The following GMEB1 variants were observed in gnomAD, a reference collection of about 807,000 sequenced individuals.
The protein encoded by GMEB1 is glucocorticoid modulatory element binding protein 1.
In GMEB1, 6 loss-of-function variants were observed where a neutral mutation model predicts 52.4. The observed-to-expected ratio is 0.11, with a 90% CI of 0.06 to 0.23. The LOEUF (loss-of-function observed/expected upper bound fraction) is 0.23. GMEB1 is among the 10% of genes least tolerant of loss of function. The pLI, the probability that GMEB1 is intolerant of heterozygous loss-of-function variation, is 1.00. For missense variants in GMEB1, 486 were observed against 685.6 expected (o/e 0.71, Z 3.25); for synonymous variants, 255 against 244.9 (o/e 1.04, Z -0.38).
intron 5 of GMEB1, among the ~76,000 whole-genome samples, chr1:28,694,959 GC>G (rs1670131244): frequency 1.5e-5 from 2 of 132,426 alleles, no homozygotes; most frequent in Non-Finnish European, 3.1e-5. Flanking sequence ...ACCGTGGCCA[GC>G]CTTTTTTTTT....
chr1:28,690,006 T>C (rs1669875961), intron 2 of GMEB1, 98 bp from the exon 3 acceptor site: 1 of 725,342 alleles, frequency 1.4e-6, no homozygotes, highest in Non-Finnish European at 2.3e-6. Flanking sequence ...TTTATTTCTT[T>C]TGAGATAGTT....
rs1324904023 is a variant in GMEB1, at chr1:28,704,183, T to C, written c.731-9T>C. The C allele has an allele frequency of 6.2e-7, 1 of 1,608,496 alleles. No homozygotes were observed. The highest frequency in any genetic ancestry group is 8.5e-7 in the Non-Finnish European group (1 of 1,177,174). On this transcript the variant is annotated splice_polypyrimidine_tract_variant and intron_variant, in intron 7 of 9. Coordinates refer to ENST00000373816, the MANE Select transcript of GMEB1 (RefSeq NM_001319674.2). ...TTTTTTACCCTCTGTCTTATCCTTC[T>C]TGTGCCAGAGGACACTTTGATGTTC...
Position 28,704,301 on chromosome 1 carries a change from G to C in GMEB1, c.840G>C (p.Arg280=). ...AGCTACTCAGGGGAGTTCAGCAGCG[G>C]CTCATCCAGGCTCCCTTCCAAGTCA... is the stretch of plus-strand genomic sequence containing the variant. ...IEELLRGVQQ[R]LIQAPFQVTD... The change falls in exon 8 of 10, where the codon CGG becomes CGC. Residue 280 remains arginine (R), a synonymous_variant. Coordinates refer to ENST00000373816, the MANE Select transcript of GMEB1 (RefSeq NM_001319674.2). 1 of 1,612,842 alleles carries C rather than the reference G, an allele frequency of 6.2e-7. No homozygotes were observed. The highest frequency in any genetic ancestry group is 8.5e-7 in the Non-Finnish European group (1 of 1,179,480).
intron 4 of GMEB1, 58 bp downstream of exon 4, chr1:28,691,767 G>T: frequency 1.2e-6 from 1 of 844,670 alleles, no homozygotes; most frequent in Non-Finnish European, 1.7e-6. Context: ...CAAAGGGTGT[G>T]AGTTCCATGC....
In GMEB1 at chr1:28,714,763, T is replaced by C; in HGVS notation, c.1682T>C (p.Leu561Ser). The change falls in exon 10 of 10, where the codon TTA (leucine) becomes TCA (serine). Residue 561 changes from leucine (L) to serine (S), a missense_variant. Physicochemically the swap from Leu to Ser is moderately radical, Grantham distance 145. Transcript: ENST00000373816. ...GTTCACAATGTGGAGATTGTGGTCTTAGAGGATTAACTGGGGATCTCAGGG... is the reference window on the plus strand; with the variant it reads ...GTTCACAATGTGGAGATTGTGGTCTCAGAGGATTAACTGGGGATCTCAGGG... ...HQVHNVEIVV[L>S]ED The C allele has an allele frequency of 6.2e-7, 1 of 1,606,822 alleles. No individual in the cohort carries two copies. The highest frequency in any genetic ancestry group is 8.5e-7 in the Non-Finnish European group (1 of 1,173,666).
At chr1:28,672,666 C>T (rs891769182) in intron 1 of GMEB1, among the ~76,000 whole-genome samples, 12 of 151,678 alleles carry the variant, frequency 7.9e-5, no homozygotes, top group African/African-American at 2.7e-4. Context: ...CACCCATTAA[C>T]TCGTCATTTA....
chr1:28,690,116 TG>T lies in GMEB1; in HGVS notation c.144del (p.Ser49ArgfsTer8), dbSNP rs1669880569. ...QPVQQGIYEA[G>X]SENNTAVVAV... Reference sequence around the variant, plus strand: ...ACTTTTACAACAGGATTTATGAAGCTGGGTCGGAGAACAACACGGCAGTTGT... The same window carrying T: ...ACTTTTACAACAGGATTTATGAAGCTGGTCGGAGAACAACACGGCAGTTGT... On this transcript the variant is annotated frameshift_variant, in exon 3 of 10. Coordinates refer to ENST00000373816, the MANE Select transcript of GMEB1 (RefSeq NM_001319674.2). LOFTEE classifies it high-confidence loss of function. 6.2e-7 allele frequency: 1 copy of T among 1,604,190 alleles called. No individual in the cohort carries two copies. The highest frequency in any genetic ancestry group is 8.5e-7 in the Non-Finnish European group (1 of 1,174,888).
chr1:28,708,734 G>C (rs1156228552), intron 8 of GMEB1, among the ~76,000 whole-genome samples: 1 of 152,092 alleles, frequency 6.6e-6, no homozygotes, highest in Non-Finnish European at 1.5e-5. Flanking sequence ...ACAGATGGGA[G>C]CCACCACGCC....
At chr1:28,697,155 G>C (rs1670244524) in intron 6 of GMEB1, 71 bp downstream of exon 6, 1 of 361,360 alleles carries the variant, frequency 2.8e-6, no homozygotes, top group Admixed American at 4.8e-5. Context: ...TTTCTCCCTT[G>C]TGTGTACATA....
At chr1:28,673,560 C>T (rs1669000779) in intron 1 of GMEB1, among the ~76,000 whole-genome samples, 1 of 152,156 alleles carries the variant, frequency 6.6e-6, no homozygotes, top group Non-Finnish European at 1.5e-5. Context: ...CAGCCTGACA[C>T]TTGTCCTTAT....
Position 28,702,546 on chromosome 1 carries a change from A to C in GMEB1, c.707A>C (p.Lys236Thr). The C allele has an allele frequency of 1.9e-6, 3 of 1,613,776 alleles. No individual in the cohort carries two copies. Among genetic ancestry groups the C allele is most frequent in the Non-Finnish European group, 2.5e-6 (3 of 1,179,830 alleles). The change falls in exon 7 of 10, where the codon AAG becomes ACG. Residue 236 changes from lysine (K) to threonine (T), a missense_variant. Transcript: ENST00000373816. ...AVTMATEEGV[K>T]KDSEEISEDT... ...ACCATGGCCACGGAGGAGGGTGTAA[A>C]GAAAGACTCAGAGGAAATTTCAGGT... is the stretch of plus-strand genomic sequence containing the variant.
In GMEB1 at chr1:28,679,076, C is replaced by T. The variant is rs1025981035; in HGVS notation, c.-30-4507C>T. The stretch of plus-strand genomic sequence containing the variant: ...CTAATTTTTGTATTTTTAGCAGAGA[C>T]GGTTTCACCATGTTGGTCAGGATGG... On this transcript the variant is annotated intron_variant, in intron 1 of 9. Coordinates refer to ENST00000373816, the MANE Select transcript of GMEB1 (RefSeq NM_001319674.2). Among the ~76,000 whole-genome samples, 2 of 151,786 alleles carry T rather than the reference C, an allele frequency of 1.3e-5. 1 individual carries two copies. The highest frequency in any genetic ancestry group is 4.2e-4 in the South Asian group (2 of 4,798).
At chr1:28,686,939 T>C (rs917888292) in intron 2 of GMEB1, among the ~76,000 whole-genome samples, 3 of 152,084 alleles carry the variant, frequency 2.0e-5, no homozygotes, top group African/African-American at 7.2e-5. Flanking sequence ...TGATAGGTGT[T>C]ATGACAAAAC....
At position 28,706,977 on chromosome 1, in the gene GMEB1, G is replaced by GGT. The variant is rs1400064023; in HGVS notation, c.868+2648_868+2649insGT. ...CCACCATGCCTGTCCTCCAGATTTGGTTTTTTTTTTTTTTTTTTTTTTTTT... is the reference window on the plus strand; with the variant it reads ...CCACCATGCCTGTCCTCCAGATTTGGGTTTTTTTTTTTTTTTTTTTTTTTTTT... On this transcript the variant is annotated intron_variant, in intron 8 of 9. Transcript: ENST00000373816. Among the ~76,000 whole-genome samples, 31 of 82,774 alleles carry GGT rather than the reference G, an allele frequency of 3.7e-4. 2 individuals are homozygous for GGT. The highest frequency in any genetic ancestry group is 3.2e-3 in the East Asian group (10 of 3,096). The allele number at this position is 82,774 out of a possible 152,430, so 54.3% of individuals were successfully genotyped here.
chr1:28,685,000 T>G (rs879307082), intron 2 of GMEB1, among the ~76,000 whole-genome samples: 1 of 152,096 alleles, frequency 6.6e-6, no homozygotes, highest in African/African-American at 2.4e-5. Context: ...GGGTCTTGCT[T>G]TGTTGCTCAG....
At chr1:28,678,313 T>G (rs1396889368) in intron 1 of GMEB1, among the ~76,000 whole-genome samples, 1 of 151,918 alleles carries the variant, frequency 6.6e-6, no homozygotes, top group East Asian at 1.9e-4. Context: ...GTTTGTTTGT[T>G]TGTTTGTTTG....
intron 9 of GMEB1, among the ~76,000 whole-genome samples, chr1:28,713,270 A>T (rs565577100): frequency 6.6e-6 from 1 of 152,192 alleles, no homozygotes; most frequent in Non-Finnish European, 1.5e-5. Flanking sequence ...ATATCACAAT[A>T]TCACACATAG....
intron 8 of GMEB1, among the ~76,000 whole-genome samples, chr1:28,708,287 C>T (rs896891257): frequency 1.1e-4 from 16 of 152,094 alleles, no homozygotes; most frequent in Admixed American, 6.6e-4. Flanking sequence ...GCCTCAGCCT[C>T]CCGAGTAGCT....
rs1671320267 is a variant in GMEB1 at position 28,718,197 on chromosome 1, T to C, written c.*3424T>C. On this transcript the variant is annotated 3_prime_UTR_variant, in exon 10 of 10. Transcript: ENST00000373816. Reference sequence around the variant, plus strand: ...TTCTGTTCATGCATTGAATAAACATTTTTAAGAACCATCTATGTGCCAGGC... The same window carrying C: ...TTCTGTTCATGCATTGAATAAACATCTTTAAGAACCATCTATGTGCCAGGC... 2 of 152,202 alleles carry C rather than the reference T, an allele frequency of 1.3e-5. No individual in the cohort carries two copies. Among genetic ancestry groups the C allele is most frequent in the African/African-American group, 4.8e-5 (2 of 41,442 alleles). The allele number at this position is 152,202 out of a possible 1,614,324, so 9.4% of individuals were successfully genotyped here. A position where few individuals can be genotyped will look rare whatever the true frequency, so the allele number is the denominator to read the frequency against.
Sources: allele counts gnomAD v4.1 joint callset (sites outside exome capture counted in the v4.1 genomes callset), GRCh38; gene constraint gnomAD v4.1.1; transcripts MANE v1.5; gene names NCBI Gene and HGNC (gene_info 2026-07-23, HGNC 2026-07-21).